Variants in SDC2 observed in about 807,000 individuals in gnomAD.
The protein encoded by SDC2 is syndecan 2, also known as syndecan-2.
In SDC2, 13 loss-of-function variants were observed where a neutral mutation model predicts 22.2. The ratio of observed to expected loss-of-function variants is 0.59; its 90% CI spans 0.38 to 0.93. The LOEUF is 0.93. SDC2 is among the 40% of genes least tolerant of loss of function. The pLI is 0.00. For synonymous variants in SDC2, 94 were observed against 92.8 expected (o/e 1.01, Z -0.07); for missense variants, 235 against 246.8 (o/e 0.95, Z 0.32).
chr8:96,584,559 C>CA (rs1417497938), intron 1 of SDC2, among the ~76,000 whole-genome samples: 2 of 152,210 alleles, frequency 1.3e-5, no homozygotes, highest in Admixed American at 6.5e-5. Flanking sequence ...CAAACTCCGC[C>CA]AGGAAACAGA....
chr8:96,557,255 C>T (rs62516104), intron 1 of SDC2, among the ~76,000 whole-genome samples: 54,274 of 121,234 alleles, frequency 0.45, 13,733 homozygotes, highest in Non-Finnish European at 0.62. Flanking sequence ...TACCATTTGA[C>T]CCAGCCATCC....
chr8:96,543,988 A>C (rs909508999), intron 1 of SDC2, among the ~76,000 whole-genome samples: 1 of 152,176 alleles, frequency 6.6e-6, no homozygotes, highest in Non-Finnish European at 1.5e-5. Context: ...TTAGTGACTT[A>C]CTCGAGATGC....
Position 96,554,048 on chromosome 8 carries a change from C to G in SDC2, c.61-39432C>G, listed in dbSNP as rs1047137982. ...CAAACAATCTGCCTTGCTTCAGCCT[C>G]CCAAAGTGTTGGGGTTACAGGTGTG... On this transcript the variant is annotated intron_variant, in intron 1 of 4. Transcript: ENST00000302190. Among the ~76,000 whole-genome samples, 5 of 152,244 alleles carry G rather than the reference C, an allele frequency of 3.3e-5. No homozygotes were observed. In the East Asian group the frequency reaches 9.6e-4, roughly 29 times the overall value.
chr8:96,575,949 C>T (rs1345843844), intron 1 of SDC2, among the ~76,000 whole-genome samples: 1 of 152,196 alleles, frequency 6.6e-6, no homozygotes, highest in Non-Finnish European at 1.5e-5. Flanking sequence ...AGATGCCTCT[C>T]TTACCTGCTT....
At chr8:96,494,464 A>T in intron 1 of SDC2, 133 bp downstream of exon 1, 1 of 774,644 alleles carries the variant, frequency 1.3e-6, no homozygotes, top group Non-Finnish European at 2.0e-6. Flanking sequence ...CCGCTGGGAC[A>T]AATGCGCTCG....
intron 1 of SDC2, among the ~76,000 whole-genome samples, chr8:96,578,094 T>C (rs1290665521): frequency 6.6e-6 from 1 of 152,238 alleles, no homozygotes; most frequent in African/African-American, 2.4e-5. Context: ...CTGCCAGATA[T>C]GTAGTGCCAA....
At chr8:96,575,322 G>A (rs1420124557) in intron 1 of SDC2, among the ~76,000 whole-genome samples, 1 of 141,452 alleles carries the variant, frequency 7.1e-6, no homozygotes, top group Non-Finnish European at 1.5e-5. Flanking sequence ...GATCCACCTG[G>A]TAGGTGTCTT....
intron 1 of SDC2, among the ~76,000 whole-genome samples, chr8:96,515,938 C>T (rs1017520235): frequency 1.3e-5 from 2 of 152,192 alleles, no homozygotes; most frequent in African/African-American, 4.8e-5. Flanking sequence ...TTACGGCTCC[C>T]TAGCCCTGGG....
chr8:96,560,912 C>T (rs1814198676), intron 1 of SDC2, among the ~76,000 whole-genome samples: 2 of 152,100 alleles, frequency 1.3e-5, no homozygotes, highest in Admixed American at 6.6e-5. Context: ...TCGAGACCAG[C>T]CTGGCCAACA....
intron 1 of SDC2, among the ~76,000 whole-genome samples, chr8:96,499,313 C>T (rs1813124236): frequency 6.6e-6 from 1 of 152,204 alleles, no homozygotes; most frequent in African/African-American, 2.4e-5. Context: ...ATACAGATTT[C>T]AGGCCTCCTC....
At chr8:96,593,377 G>A (rs760201756) in intron 1 of SDC2, 103 bp from the exon 2 acceptor site, 1 of 705,336 alleles carries the variant, frequency 1.4e-6, no homozygotes, top group East Asian at 2.7e-5. Context: ...ACTACTGTGG[G>A]AGTGGGAGGG....
At chr8:96,503,643 A>G (rs1279042419) in intron 1 of SDC2, among the ~76,000 whole-genome samples, 2 of 152,214 alleles carry the variant, frequency 1.3e-5, no homozygotes, top group Non-Finnish European at 2.9e-5. Context: ...AGTTTTATAA[A>G]TGTTACCATT....
intron 2 of SDC2, among the ~76,000 whole-genome samples, chr8:96,598,951 T>C (rs904542164): frequency 6.7e-6 from 1 of 150,244 alleles, no homozygotes; most frequent in Non-Finnish European, 1.5e-5. Flanking sequence ...TTTTTTTTTT[T>C]TTTTTTTTGA....
intron 1 of SDC2, among the ~76,000 whole-genome samples, chr8:96,534,156 G>A (rs533930888): frequency 4.6e-5 from 7 of 152,278 alleles, no homozygotes; most frequent in South Asian, 4.1e-4. Flanking sequence ...ACCTGCAAGC[G>A]CCGTGCGCAG....
At chr8:96,550,077 G>A (rs1766517826) in intron 1 of SDC2, among the ~76,000 whole-genome samples, 1 of 152,092 alleles carries the variant, frequency 6.6e-6, no homozygotes, top group South Asian at 2.1e-4. Flanking sequence ...CTGAAAATGG[G>A]AGCTCAAAAT....
At chr8:96,555,751 A>G (rs1254415718) in intron 1 of SDC2, among the ~76,000 whole-genome samples, 1 of 152,128 alleles carries the variant, frequency 6.6e-6, no homozygotes, top group African/African-American at 2.4e-5. Flanking sequence ...ATATGACAGC[A>G]TTTTCTTCAC....
intron 1 of SDC2, among the ~76,000 whole-genome samples, chr8:96,530,459 C>T (rs761551316): frequency 3.9e-5 from 6 of 152,096 alleles, no homozygotes; most frequent in Admixed American, 1.3e-4. Context: ...CATGGTGAAA[C>T]CCCGTCTCTA....
intron 1 of SDC2, among the ~76,000 whole-genome samples, chr8:96,525,000 T>C (rs112707217): frequency 2.1e-3 from 314 of 152,326 alleles, no homozygotes; most frequent in African/African-American, 6.9e-3. Context: ...TGGATCTCCA[T>C]ATGAGCTATG....
chr8:96,602,354 C>A, intron 2 of SDC2, 41 bp from the exon 3 acceptor site: 1 of 1,603,180 alleles, frequency 6.2e-7, no homozygotes, highest in South Asian at 1.1e-5. Context: ...ACATCTGTGT[C>A]ATGATTGCCA....
Sources: allele counts gnomAD v4.1 joint callset (sites outside exome capture counted in the v4.1 genomes callset), GRCh38; gene constraint gnomAD v4.1.1; transcripts MANE v1.5; gene names NCBI Gene and HGNC (gene_info 2026-07-23, HGNC 2026-07-21).